DOCK2: variants seen among roughly 807,000 people sequenced by gnomAD.
DOCK2 encodes dedicator of cytokinesis protein 2.
In DOCK2, 87 loss-of-function variants were observed where a neutral mutation model predicts 248.9. The observed-to-expected ratio is 0.35, with a 90% confidence interval of 0.29 to 0.42. The LOEUF (loss-of-function observed/expected upper bound fraction) is 0.42. Ranked by LOEUF, DOCK2 falls within the 10% of genes least tolerant of loss-of-function variation. The pLI, the probability that DOCK2 is intolerant of heterozygous loss-of-function variation, is 1.00. For synonymous variants in DOCK2, 805 were observed against 821.6 expected, an observed-to-expected ratio of 0.98 and a Z score of 0.35; for missense variants, 1,747 against 2,300.2, an observed-to-expected ratio of 0.76 and a Z score of 4.92.
intron 30 of DOCK2, among the ~76,000 whole-genome samples, chr5:170,006,059 A>G (rs1024215844): frequency 6.6e-6 from 1 of 152,096 alleles, no homozygotes; most frequent in African/African-American, 2.4e-5. Context: ...TCAAATTCCC[A>G]TCTTAAATGT....
chr5:169,853,525 C>T (rs980184848), intron 27 of DOCK2, among the ~76,000 whole-genome samples: 2 of 152,126 alleles, frequency 1.3e-5, no homozygotes, highest in South Asian at 4.1e-4. Context: ...TTTAACAACA[C>T]AAGACTATTC....
chr5:169,972,582 TAG>T (rs1777553395), intron 27 of DOCK2, among the ~76,000 whole-genome samples: 1 of 61,506 alleles, frequency 1.6e-5, no homozygotes, highest in Non-Finnish European at 3.6e-5. Flanking sequence ...GATAGATAGA[TAG>T]ATGATAGATA....
intron 27 of DOCK2, among the ~76,000 whole-genome samples, chr5:169,963,777 G>A (rs576170807): frequency 1.3e-5 from 2 of 152,180 alleles, no homozygotes; most frequent in East Asian, 3.9e-4. Flanking sequence ...ACTCACTACA[G>A]ATGCTCTCTA....
intron 1 of DOCK2, among the ~76,000 whole-genome samples, chr5:169,639,868 C>T (rs1757053530): frequency 6.6e-6 from 1 of 152,220 alleles, no homozygotes; most frequent in Admixed American, 6.5e-5. Flanking sequence ...GCTCAGGCTG[C>T]TGTAGCAAAA....
At chr5:169,869,431 T>C (rs1771799643) in intron 27 of DOCK2, among the ~76,000 whole-genome samples, 1 of 152,212 alleles carries the variant, frequency 6.6e-6, no homozygotes, top group Non-Finnish European at 1.5e-5. Context: ...AGAAATTGAT[T>C]AATGTTTTTT....
intron 21 of DOCK2, among the ~76,000 whole-genome samples, chr5:169,718,217 C>T (rs1172528525): frequency 6.6e-6 from 1 of 151,938 alleles, no homozygotes; most frequent in Non-Finnish European, 1.5e-5. Flanking sequence ...TGTGAAGGGG[C>T]CTTGAAAGTC....
chr5:169,877,859 G>T (rs1363986470), intron 27 of DOCK2, among the ~76,000 whole-genome samples: 1 of 152,018 alleles, frequency 6.6e-6, no homozygotes, highest in Non-Finnish European at 1.5e-5. Context: ...AATCCTACAT[G>T]GCCAATCTCT....
intron 1 of DOCK2, among the ~76,000 whole-genome samples, chr5:169,644,417 G>A (rs1483688783): frequency 6.6e-6 from 1 of 152,042 alleles, no homozygotes; most frequent in Non-Finnish European, 1.5e-5. Flanking sequence ...ATGTGTTGTA[G>A]GTCAAGCAAA....
rs762529445 is a variant in DOCK2, at chr5:170,050,361, G to C, written c.4177G>C (p.Ala1393Pro). 5 of 1,614,018 alleles carry C rather than the reference G, an allele frequency of 3.1e-6. No homozygotes were observed. The highest frequency in any genetic ancestry group is 4.2e-6 in the Non-Finnish European group (5 of 1,180,010). The change falls in exon 41 of 52, where the codon GCC becomes CCC. Residue 1393 changes from alanine (A) to proline (P), a missense_variant. Around this residue, in one of 4 missense-constraint regions of DOCK2, gnomAD observed 513 missense variants for 586.1 expected, o/e 0.88. Transcript: ENST00000520908. ...PNAEKMNTTSAPGDDVKNAPG... is the reference protein window; with the variant it reads ...PNAEKMNTTSPPGDDVKNAPG... ...TGCAGAGAAGATGAACACCACCTCT[G>C]CCCCGGGAGATGATGTGAAGAATGC...
At chr5:169,692,394 G>A (rs988355619) in intron 9 of DOCK2, among the ~76,000 whole-genome samples, 1 of 152,204 alleles carries the variant, frequency 6.6e-6, no homozygotes, top group African/African-American at 2.4e-5. Flanking sequence ...ATGACTGGGA[G>A]ACACCATAGA....
chr5:169,932,269 AC>A (rs1775792262), intron 27 of DOCK2, among the ~76,000 whole-genome samples: 1 of 152,214 alleles, frequency 6.6e-6, no homozygotes, highest in Non-Finnish European at 1.5e-5. Context: ...AGGAAGGAGC[AC>A]TGAGTGAGGG....
At chr5:169,674,517 G>T in intron 6 of DOCK2, 72 bp downstream of exon 6, 1 of 1,570,530 alleles carries the variant, frequency 6.4e-7, no homozygotes, top group Non-Finnish European at 8.6e-7. Flanking sequence ...CTCCCCAGAA[G>T]CTTGTTTTCA....
intron 27 of DOCK2, chr5:169,841,448 G>T (rs1473274988): frequency 7.1e-6 from 7 of 985,424 alleles, no homozygotes; most frequent in Non-Finnish European, 8.4e-6. Context: ...TTTAAACCAA[G>T]GACCCAAAAT....
chr5:169,821,930 C>G (rs1418454956), intron 26 of DOCK2, among the ~76,000 whole-genome samples: 1 of 151,838 alleles, frequency 6.6e-6, no homozygotes, highest in African/African-American at 2.4e-5. Context: ...GAAGATCAAC[C>G]AAGCAAATGG....
In DOCK2 at chr5:169,681,754, C is replaced by T. The variant is rs1759682272; in HGVS notation, c.481C>T (p.Leu161Phe). 1 of 1,613,524 alleles carries T rather than the reference C, an allele frequency of 6.2e-7. No homozygotes were observed. The part of the protein sequence containing the change: ...KIDYGNKILE[L>F]DLIVRDEDGN... ...GTTTTTGCTTTACAGAATCCTTGAGCTTGATTTGATTGTCAGAGATGAAGA... is the reference window on the plus strand; with the variant it reads ...GTTTTTGCTTTACAGAATCCTTGAGTTTGATTTGATTGTCAGAGATGAAGA... Residue 161 changes from leucine to phenylalanine, a missense_variant, in exon 7 of 52, where the codon CTT (leucine) becomes TTT (phenylalanine). Transcript: ENST00000520908.
chr5:169,722,068 A>T (rs1022568545), intron 22 of DOCK2, among the ~76,000 whole-genome samples: 32 of 152,340 alleles, frequency 2.1e-4, no homozygotes, highest in African/African-American at 6.5e-4. Flanking sequence ...GTGGCCATAA[A>T]TATGTCCAAT....
chr5:169,993,629 C>A (rs1561871310), intron 29 of DOCK2, among the ~76,000 whole-genome samples: 1 of 151,806 alleles, frequency 6.6e-6, no homozygotes, highest in Admixed American at 6.6e-5. Context: ...GTTCAACAGT[C>A]ATGAAAGTAT....
At chr5:169,882,756 G>T (rs1199839087) in intron 27 of DOCK2, 2 of 1,551,654 alleles carry the variant, frequency 1.3e-6, no homozygotes, top group African/African-American at 2.7e-5. Flanking sequence ...TTGAAAGAGA[G>T]GATGGGAGAT....
In DOCK2 at chr5:169,674,442, A is replaced by G; in HGVS notation, c.467A>G (p.Asn156Ser). ...QKVTSKIDYGNKILELDLIVR... is the reference protein window; with the variant it reads ...QKVTSKIDYGSKILELDLIVR... ...GTCACGTCCAAAATTGACTATGGCA[A>G]CAAGTAACCTCTCTTTCCTCTGCAA... Residue 156 changes from asparagine (N) to serine (S), a missense_variant, in exon 6 of 52, where the codon AAC (asparagine) becomes AGC (serine). Physicochemically the swap from Asn to Ser is conservative, Grantham distance 46. This residue lies in a region of DOCK2 where 375 missense variants were observed against 510.9 expected (regional missense o/e 0.73). Transcript: ENST00000520908. 1 of 1,614,136 alleles carries G rather than the reference A, an allele frequency of 6.2e-7. No homozygotes were observed. Among genetic ancestry groups the G allele is most frequent in the Non-Finnish European group, 8.5e-7 (1 of 1,179,980 alleles).
Sources: gnomAD v4.1 joint callset for allele counts (sites outside exome capture counted in the v4.1 genomes callset) on GRCh38, gnomAD v4.1.1 for gene constraint, gnomAD v4.1.1 regional missense constraint, MANE v1.5 for transcripts, NCBI Gene and HGNC (gene_info 2026-07-23, HGNC 2026-07-21) for gene names.